CRTAC1: variants seen among roughly 807,000 people sequenced by gnomAD.
CRTAC1 encodes the protein acidic secreted protein in cartilage.
Under a neutral mutation model 67.8 loss-of-function variants are expected in CRTAC1, and 37 were observed. That is an observed-to-expected ratio of 0.55 (90% CI 0.42 to 0.72). The LOEUF (loss-of-function observed/expected upper bound fraction) is 0.72, where lower values mean the gene tolerates loss of function less well. Ranked by LOEUF, CRTAC1 falls within the 30% of genes least tolerant of loss-of-function variation. CRTAC1 has a pLI of 0.00. For synonymous variants in CRTAC1, 348 were observed against 371.0 expected, an observed-to-expected ratio of 0.94 and a Z score of 0.71; for missense variants, 780 against 931.6, an observed-to-expected ratio of 0.84 and a Z score of 2.12.
chr10:97,909,134 GA>G (rs2050654043), intron 5 of CRTAC1, among the ~76,000 whole-genome samples: 1 of 152,136 alleles, frequency 6.6e-6, no homozygotes, highest in African/African-American at 2.4e-5. Flanking sequence ...ATTGGGCTTT[GA>G]AGTCTCTAAG....
In CRTAC1 at chr10:97,891,714, C is replaced by T. The variant is rs544255710; in HGVS notation, c.1486+3531G>A. On this transcript the variant is annotated intron_variant, in intron 11 of 14. Coordinates refer to ENST00000370597, the MANE Select transcript of CRTAC1 (RefSeq NM_018058.7). The stretch of plus-strand genomic sequence containing the variant: ...TCTCGCACCCCCATGTCCTTCCCTC[C>T]ATCTGGCCTTCTCCACTGGCGCCCT... Among the ~76,000 whole-genome samples the T allele has an allele frequency of 3.9e-5, 6 of 152,366 alleles. No homozygotes were observed. In the South Asian group the frequency reaches 1.2e-3, roughly 32 times the overall value.
At chr10:98,022,889 G>A (rs959207596) in intron 1 of CRTAC1, among the ~76,000 whole-genome samples, 15 of 152,298 alleles carry the variant, frequency 9.8e-5, no homozygotes, top group African/African-American at 3.6e-4. Flanking sequence ...GGGGCCAGGG[G>A]TGGGGTAGGG....
In CRTAC1 at chr10:97,895,909, C is replaced by A; in HGVS notation, c.1293G>T (p.Pro431=). 1 of 1,613,478 alleles carries A rather than the reference C, an allele frequency of 6.2e-7. No homozygotes were observed. The highest frequency in any genetic ancestry group is 8.5e-7 in the Non-Finnish European group (1 of 1,179,470). The change falls in exon 10 of 15, where the codon CCG becomes CCT. Residue 431 remains proline (P), a synonymous_variant. Transcript: ENST00000370597. This position sits in a 1 kb window ranked among gnomAD's most constrained non-coding sequence, Gnocchi z 4.2. Reference sequence around the variant, plus strand: ...CCTGATTGCCCCGGAAGACGGACAGCGGCTGAGCCATGGACTCTCCATGGG... The same window carrying A: ...CCTGATTGCCCCGGAAGACGGACAGAGGCTGAGCCATGGACTCTCCATGGG... ...ILSHGESMAQ[P]LSVFRGNQGF...
chr10:97,917,647 G>T lies in CRTAC1; in HGVS notation c.568C>A (p.Arg190Ser). The T allele has an allele frequency of 1.3e-6, 2 of 1,558,656 alleles. No homozygotes were observed. Among genetic ancestry groups the T allele is most frequent in the South Asian group, 1.2e-5 (1 of 82,220 alleles). Residue 190 changes from arginine to serine, a missense_variant, in exon 5 of 15, where the codon CGC becomes AGC. Coordinates refer to ENST00000370597, the MANE Select transcript of CRTAC1 (RefSeq NM_018058.7). ...TAATTGGCAATGTAGATAGAGTAGC[G>T]TCCAGAGCCCTGAGGAAGAAGGGAA... The part of the protein sequence containing the change: ...VACVDRKGSG[R>S]YSIYIANYAY...
intron 14 of CRTAC1, chr10:97,871,174 C>G (rs1443385676): frequency 6.6e-6 from 1 of 152,202 alleles, no homozygotes; most frequent in Non-Finnish European, 1.5e-5. Context: ...AACTCTTCCT[C>G]CAAGAGGATG....
intron 14 of CRTAC1, 114 bp downstream of exon 14, chr10:97,880,135 C>G: frequency 7.9e-7 from 1 of 1,268,744 alleles, no homozygotes; most frequent in Admixed American, 2.0e-5. Flanking sequence ...AAAGGAGACT[C>G]TATCCAGCCA....
chr10:98,018,486 G>A (rs1843048758), intron 1 of CRTAC1, among the ~76,000 whole-genome samples: 1 of 152,150 alleles, frequency 6.6e-6, no homozygotes, highest in Non-Finnish European at 1.5e-5. Flanking sequence ...GCTGAAAGGT[G>A]AGATAGTCTT....
intron 2 of CRTAC1, among the ~76,000 whole-genome samples, chr10:98,003,305 G>A (rs1842728062): frequency 6.6e-6 from 1 of 152,086 alleles, no homozygotes; most frequent in African/African-American, 2.4e-5. Context: ...GAACTTAATG[G>A]CTTACAACAA....
At chr10:97,887,227 G>GTTTT (rs71007369) in intron 11 of CRTAC1, among the ~76,000 whole-genome samples, 1,595 of 127,882 alleles carry the variant, frequency 0.012, 44 homozygotes, top group African/African-American at 0.045. Context: ...CGGCACTTAG[G>GTTTT]TTTTTTTTTT....
intron 2 of CRTAC1, among the ~76,000 whole-genome samples, chr10:97,947,697 G>T (rs980976672): frequency 6.6e-6 from 1 of 152,212 alleles, no homozygotes; most frequent in Admixed American, 6.5e-5. Flanking sequence ...CTTAAAGACA[G>T]AAGCATGGTC....
chr10:97,921,224 C>G (rs1265832853), intron 4 of CRTAC1, among the ~76,000 whole-genome samples: 1 of 152,132 alleles, frequency 6.6e-6, no homozygotes, highest in African/African-American at 2.4e-5. Flanking sequence ...GCTGCTGGCC[C>G]AGAGGCTACA....
chr10:98,025,542 C>T (rs1168461179), intron 1 of CRTAC1, among the ~76,000 whole-genome samples: 1 of 152,242 alleles, frequency 6.6e-6, no homozygotes, highest in Non-Finnish European at 1.5e-5. Flanking sequence ...CAAAGACAAC[C>T]TCTCAGTCCT....
chr10:98,005,100 A>ATATATATTTTTT, intron 2 of CRTAC1, among the ~76,000 whole-genome samples: 1 of 48,884 alleles, frequency 2.0e-5, no homozygotes, highest in African/African-American at 1.2e-4. Context: ...ATATATATAT[A>ATATATATTTTTT]TTTTTTTTTT....
chr10:97,875,119 A>T (rs1278228450), intron 14 of CRTAC1, among the ~76,000 whole-genome samples: 1 of 152,232 alleles, frequency 6.6e-6, no homozygotes, highest in Non-Finnish European at 1.5e-5. Context: ...TAGAGATCGC[A>T]CAGCATAAGG....
chr10:97,882,616 G>A (rs2050230303), intron 13 of CRTAC1, among the ~76,000 whole-genome samples, 170 bp downstream of exon 13: 1 of 152,184 alleles, frequency 6.6e-6, no homozygotes, highest in African/African-American at 2.4e-5. Flanking sequence ...CCACCCTGGT[G>A]AGTCATGTGG....
intron 3 of CRTAC1, among the ~76,000 whole-genome samples, chr10:97,932,658 C>T (rs937832622): frequency 2.0e-5 from 3 of 151,962 alleles, no homozygotes; most frequent in Non-Finnish European, 4.4e-5. Context: ...ACAGCAAGTA[C>T]GAAGGCCTCA....
intron 2 of CRTAC1, among the ~76,000 whole-genome samples, chr10:98,005,371 CT>C (rs1386676244): frequency 6.7e-6 from 1 of 150,334 alleles, no homozygotes; most frequent in Non-Finnish European, 1.5e-5. Flanking sequence ...TCCCAAAGTG[CT>C]GGGATTACAG....
chr10:97,915,145 C>T (rs2050740859), intron 5 of CRTAC1, among the ~76,000 whole-genome samples: 1 of 152,240 alleles, frequency 6.6e-6, no homozygotes, highest in African/African-American at 2.4e-5. Flanking sequence ...TGCCTCAAGT[C>T]CGGGTGCCAG....
At chr10:97,911,254 G>T (rs1441184761) in intron 5 of CRTAC1, among the ~76,000 whole-genome samples, 1 of 152,196 alleles carries the variant, frequency 6.6e-6, no homozygotes, top group Non-Finnish European at 1.5e-5. Flanking sequence ...TTTCCTCTCT[G>T]CCTCTGGCTC....
Sources: gnomAD v4.1 joint callset for allele counts (sites outside exome capture counted in the v4.1 genomes callset) on GRCh38, gnomAD v4.1.1 for gene constraint, Gnocchi (gnomAD v3.1) non-coding constraint, MANE v1.5 for transcripts, NCBI Gene and HGNC (gene_info 2026-07-23, HGNC 2026-07-21) for gene names.